The following KLHL7 variants were observed in gnomAD, a reference collection of about 807,000 sequenced individuals.
KLHL7 encodes the protein kelch like family member 7, also known as kelch-like protein 7.
A neutral mutation model predicts 67.4 loss-of-function variants in KLHL7; 44 were observed. The observed-to-expected ratio is 0.65, with a 90% confidence interval of 0.51 to 0.84. KLHL7 has a LOEUF of 0.84. Ranked by LOEUF, KLHL7 falls within the 40% of genes least tolerant of loss-of-function variation. KLHL7 has a pLI of 0.00. For missense variants in KLHL7, 362 were observed against 718.1 expected (o/e 0.50, Z 5.67); for synonymous variants, 252 against 243.3 (o/e 1.04, Z -0.33).
intron 9 of KLHL7, among the ~76,000 whole-genome samples, chr7:23,169,976 G>A (rs916256500): frequency 3.3e-5 from 5 of 152,260 alleles, no homozygotes; most frequent in East Asian, 1.9e-4. Flanking sequence ...TTGGGAGGCC[G>A]AGGCTGGTGG....
At chr7:23,120,648 C>T (rs910490120) in intron 1 of KLHL7, among the ~76,000 whole-genome samples, 4 of 152,102 alleles carry the variant, frequency 2.6e-5, no homozygotes, top group African/African-American at 9.7e-5. Context: ...CTCAGTGCAA[C>T]CTCAAACTCC....
chr7:23,154,531 T>C (rs1235035719), intron 7 of KLHL7, among the ~76,000 whole-genome samples: 2 of 152,160 alleles, frequency 1.3e-5, no homozygotes, highest in South Asian at 2.1e-4. Context: ...GCAACATTTC[T>C]TACCAAGACA....
In KLHL7 at chr7:23,174,536, A is replaced by C. The variant is rs1210875181; in HGVS notation, c.*238A>C. 4.7e-6 allele frequency: 3 copies of C among 638,972 alleles called. No individual in the cohort carries two copies. In the African/African-American group the frequency reaches 5.4e-5, roughly 11 times the overall value. 39.6% of individuals were successfully genotyped at this position (638,972 alleles called of 1,614,324 possible). ...CAAGAAAACTTGAAAAAGTATAAGCATTTGTTAAAAATGTGAATTTCTTGA... is the reference window on the plus strand; with the variant it reads ...CAAGAAAACTTGAAAAAGTATAAGCCTTTGTTAAAAATGTGAATTTCTTGA... On this transcript the variant is annotated 3_prime_UTR_variant, in exon 11 of 11. Transcript: ENST00000339077.
chr7:23,176,409 A>G lies in KLHL7; in HGVS notation c.*2111A>G, dbSNP rs959870340. ...CTTCACATGGTGTTCTTATAAGGAC[A>G]ACATAGGAGCCAGACACAGTGGCTC... is the stretch of plus-strand genomic sequence containing the variant. On this transcript the variant is annotated 3_prime_UTR_variant, in exon 11 of 11. Transcript: ENST00000339077. The G allele has an allele frequency of 2.0e-5, 3 of 152,238 alleles. No individual in the cohort carries two copies. The highest frequency in any genetic ancestry group is 7.2e-5 in the African/African-American group (3 of 41,426). 9.4% of individuals were successfully genotyped at this position (152,238 alleles called of 1,614,324 possible).
At chr7:23,121,578 G>A (rs1323708714) in intron 1 of KLHL7, among the ~76,000 whole-genome samples, 5 of 151,750 alleles carry the variant, frequency 3.3e-5, no homozygotes, top group Non-Finnish European at 5.9e-5. Context: ...TAGGATTGGA[G>A]GTGTGAGCGA....
At chr7:23,111,905 A>C (rs930530402) in intron 1 of KLHL7, among the ~76,000 whole-genome samples, 1 of 151,824 alleles carries the variant, frequency 6.6e-6, no homozygotes, top group African/African-American at 2.4e-5. Flanking sequence ...CTGGCAGACC[A>C]AATAGGAAGC....
intron 8 of KLHL7, among the ~76,000 whole-genome samples, chr7:23,166,230 T>C (rs147102595): frequency 0.01 from 1,581 of 152,280 alleles, 26 homozygotes; most frequent in Non-Finnish European, 0.011. Flanking sequence ...GGCTGCATAA[T>C]ATTATTTGTT....
chr7:23,110,714 A>G (rs1782833151), intron 1 of KLHL7, among the ~76,000 whole-genome samples: 1 of 150,370 alleles, frequency 6.7e-6, no homozygotes, highest in African/African-American at 2.4e-5. Context: ...TGCTGCACCC[A>G]TTAACTCGTC....
Position 23,117,897 on chromosome 7 carries a change from G to A in KLHL7, c.121-5880G>A, listed in dbSNP as rs764049546. On this transcript the variant is annotated intron_variant, in intron 1 of 10. Coordinates refer to ENST00000339077, the MANE Select transcript of KLHL7 (RefSeq NM_001031710.3). ...ATCTGCTCAGGGATTTATACTCAAT[G>A]CCAATTTGATATCATGCTGGGAGGG... 7.4e-6 allele frequency: 12 copies of A among 1,613,786 alleles called. No homozygotes were observed. The Admixed American group carries it at 1.8e-4, about 25-fold the overall frequency.
chr7:23,145,470 T>G (rs1186748491), intron 6 of KLHL7, among the ~76,000 whole-genome samples: 1 of 152,180 alleles, frequency 6.6e-6, no homozygotes, highest in Non-Finnish European at 1.5e-5. Flanking sequence ...TATTGGAAGC[T>G]TTTCTTAAAT....
At chr7:23,125,800 GTA>G in intron 4 of KLHL7, 1 of 1,545,742 alleles carries the variant, frequency 6.5e-7, no homozygotes, top group Non-Finnish European at 8.7e-7. Context: ...CCAGAGTGTG[GTA>G]TGCTTTTCAC....
intron 6 of KLHL7, among the ~76,000 whole-genome samples, chr7:23,147,969 T>G (rs1362642363): frequency 6.6e-6 from 1 of 152,220 alleles, no homozygotes; most frequent in East Asian, 1.9e-4. Flanking sequence ...CCAATCCTAG[T>G]GATCCAGCTT....
At chr7:23,166,251 C>T (rs972213764) in intron 8 of KLHL7, among the ~76,000 whole-genome samples, 10 of 152,032 alleles carry the variant, frequency 6.6e-5, no homozygotes, top group African/African-American at 2.4e-4. Flanking sequence ...TTAAAGATTT[C>T]AGAGTTCAAC....
intron 6 of KLHL7, 82 bp from the exon 7 acceptor site, chr7:23,151,985 C>A: frequency 7.7e-7 from 1 of 1,293,848 alleles, no homozygotes; most frequent in Non-Finnish European, 1.1e-6. Flanking sequence ...AAATAAAGGC[C>A]CTATTATGTC....
At chr7:23,159,263 A>G (rs1784791263) in intron 7 of KLHL7, among the ~76,000 whole-genome samples, 1 of 152,112 alleles carries the variant, frequency 6.6e-6, no homozygotes, top group Admixed American at 6.5e-5. Flanking sequence ...TCCTGGCCTC[A>G]AGTGATTCTC....
At chr7:23,170,261 G>GT (rs558837804) in intron 9 of KLHL7, among the ~76,000 whole-genome samples, 6 of 152,056 alleles carry the variant, frequency 3.9e-5, no homozygotes, top group East Asian at 1.9e-4. Context: ...AGCCAGCCAA[G>GT]TTTTTTTTAA....
chr7:23,113,564 C>A (rs534521457), intron 1 of KLHL7, among the ~76,000 whole-genome samples: 58 of 152,252 alleles, frequency 3.8e-4, no homozygotes, highest in African/African-American at 1.3e-3. Flanking sequence ...GGCACAGTGG[C>A]TTACGCCTGT....
chr7:23,117,526 A>G (rs1783144019), intron 1 of KLHL7, among the ~76,000 whole-genome samples: 1 of 152,102 alleles, frequency 6.6e-6, no homozygotes, highest in Non-Finnish European at 1.5e-5. Context: ...TTCCTTTGCA[A>G]AGCTGTTTGG....
At chr7:23,141,293 G>A (rs1784173864) in intron 5 of KLHL7, among the ~76,000 whole-genome samples, 1 of 152,230 alleles carries the variant, frequency 6.6e-6, no homozygotes, top group South Asian at 2.1e-4. Flanking sequence ...TGGGCCCAGT[G>A]TAATCATAAA....
Sources: gnomAD v4.1 joint callset for allele counts (sites outside exome capture counted in the v4.1 genomes callset) on GRCh38, gnomAD v4.1.1 for gene constraint, MANE v1.5 for transcripts, NCBI Gene and HGNC (gene_info 2026-07-23, HGNC 2026-07-21) for gene names.